The following CIITA variants were observed in gnomAD, a reference collection of about 807,000 sequenced individuals.
The protein encoded by CIITA is MHC class II transactivator.
A neutral mutation model predicts 115.1 loss-of-function variants in CIITA; 72 were observed. The ratio of observed to expected loss-of-function variants is 0.63; its 90% CI spans 0.52 to 0.76. The LOEUF (loss-of-function observed/expected upper bound fraction) is 0.76. Among genes scored for constraint, CIITA ranks in the 30% least tolerant of loss-of-function variants. The probability of loss-of-function intolerance (pLI) is 0.00; values close to 1 mark genes in which losing one functional copy is unlikely to be tolerated. For missense variants in CIITA, 1,617 were observed against 1,463.8 expected, an observed-to-expected ratio of 1.10 and a Z score of -1.71; for synonymous variants, 763 against 635.6, an observed-to-expected ratio of 1.20 and a Z score of -3.02.
chr16:10,933,377 T>C lies in CIITA; in HGVS notation c.*9522T>C, dbSNP rs941413962. On this transcript the variant is annotated 3_prime_UTR_variant, in exon 20 of 20. Coordinates refer to ENST00000324288, the MANE Select transcript of CIITA (RefSeq NM_000246.4). ...GCACTGGTGGGTGAGGCTCTGAAAGTGGTAGAAGGGAATTCTTTCCTAGAG... is the reference window on the plus strand; with the variant it reads ...GCACTGGTGGGTGAGGCTCTGAAAGCGGTAGAAGGGAATTCTTTCCTAGAG... The C allele has an allele frequency of 2.0e-5, 3 of 152,250 alleles. No individual in the cohort carries two copies. Among genetic ancestry groups the C allele is most frequent in the Admixed American group, 6.5e-5 (1 of 15,280 alleles). 9.4% of individuals were successfully genotyped at this position (152,250 alleles called of 1,614,324 possible).
rs940530432 is a variant in CIITA, at chr16:10,870,570, G to A, written c.-21+4251G>A. On this transcript the variant is annotated intron_variant, in intron 1 of 5. Transcript: ENST00000636238. ...CATCTATCAGAGGCCAAAGAAGGGG[G>A]AGCTAGGATGGGTGATGATGGAAAA... Among the ~76,000 whole-genome samples, 4 of 152,220 alleles carry A rather than the reference G, an allele frequency of 2.6e-5. No homozygotes were observed. In the East Asian group the frequency reaches 5.8e-4, roughly 22 times the overall value.
chr16:10,869,205 T>A (rs139813872), intron 1 of CIITA, among the ~76,000 whole-genome samples: 32 of 152,306 alleles, frequency 2.1e-4, no homozygotes, highest in African/African-American at 7.7e-4. Context: ...ATCTGGACAA[T>A]GGCCCACAAG....
chr16:10,923,644 TG>T lies in CIITA; in HGVS notation c.*23-232del, dbSNP rs760035346. On this transcript the variant is annotated intron_variant, in intron 19 of 19. Transcript: ENST00000324288. This position sits in a 1 kb window ranked among gnomAD's most constrained non-coding sequence, Gnocchi z 5.2. ...CTTCCCAGCTGCTGTTTCGGCTTGGTGGCTGCCCTGATGCTCCGGGTTTGTC... is the reference window on the plus strand; with the variant it reads ...CTTCCCAGCTGCTGTTTCGGCTTGGTGCTGCCCTGATGCTCCGGGTTTGTC... Among the ~76,000 whole-genome samples, 76 of 152,268 alleles carry T rather than the reference TG, an allele frequency of 5.0e-4. No individual in the cohort carries two copies. Among genetic ancestry groups the T allele is most frequent in the Non-Finnish European group, 9.4e-4 (64 of 67,998 alleles).
rs1302154334 is a variant in CIITA at position 10,909,126 on chromosome 16, C to G, written c.2755C>G (p.Pro919Ala). The change falls in exon 12 of 20, where the codon CCT becomes GCT. Residue 919 changes from proline to alanine, a missense_variant. Pro to Ala is a conservative substitution (Grantham distance 27). Transcript: ENST00000324288. ...QAAEEKFTIE[P>A]FKAKSLKDVE... ...AGCAGAGGAGAAGTTCACCATCGAG[C>G]CTTTCAAAGCCAAGTCCCTGAAGGA... is the stretch of plus-strand genomic sequence containing the variant. The G allele has an allele frequency of 6.2e-7, 1 of 1,614,198 alleles. No individual in the cohort carries two copies. The highest frequency in any genetic ancestry group is 2.2e-5 in the East Asian group (1 of 44,884).
In CIITA at chr16:10,907,448, C is replaced by A; in HGVS notation, c.1956C>A (p.Ser652Arg). ...VGLLGRAALD[S>R]PPGALAELAK... The stretch of plus-strand genomic sequence containing the variant: ...TGCTGGGCCGTGCAGCCCTCGACAG[C>A]CCCCCCGGGGCCCTGGCAGAGCTGG... The change falls in exon 11 of 20, where the codon AGC becomes AGA. Residue 652 changes from serine (S) to arginine (R), a missense_variant. Physicochemically the swap from Ser to Arg is moderately radical, Grantham distance 110 (BLOSUM62 -1). Coordinates refer to ENST00000324288, the MANE Select transcript of CIITA (RefSeq NM_000246.4). The surrounding 1 kb of genome is among the most constrained non-coding windows in gnomAD (Gnocchi z 5.0). 1 of 1,612,808 alleles carries A rather than the reference C, an allele frequency of 6.2e-7. No individual in the cohort carries two copies. Among genetic ancestry groups the A allele is most frequent in the East Asian group, 2.2e-5 (1 of 44,852 alleles).
At chr16:10,874,239 C>G (rs965744497), upstream of CIITA, among the ~76,000 whole-genome samples, 6 of 152,186 alleles carry the variant, frequency 3.9e-5, no homozygotes, top group African/African-American at 1.4e-4. Context: ...CCGCCTCAGT[C>G]TCCTAAAGTG....
chr16:10,893,488 C>A (rs1176561776), intron 1 of CIITA, among the ~76,000 whole-genome samples: 1 of 152,122 alleles, frequency 6.6e-6, no homozygotes, highest in Non-Finnish European at 1.5e-5. Context: ...GTTTTAACAG[C>A]TTTATTGAGA....
intron 18 of CIITA, among the ~76,000 whole-genome samples, chr16:10,922,740 A>G (rs7203275): frequency 0.024 from 3,629 of 152,362 alleles, 143 homozygotes; most frequent in African/African-American, 0.083. Context: ...TAGCTGGCAC[A>G]CAAAAATGCC....
At chr16:10,912,676 T>C (rs1397767084) in intron 13 of CIITA, among the ~76,000 whole-genome samples, 1 of 152,230 alleles carries the variant, frequency 6.6e-6, no homozygotes, top group Non-Finnish European at 1.5e-5. Flanking sequence ...AAAATGATGC[T>C]GAAAAGGGGA....
downstream of CIITA, chr16:10,937,393 G>C (rs534146446): frequency 1.3e-5 from 2 of 152,438 alleles, no homozygotes; most frequent in African/African-American, 4.8e-5. The surrounding 1 kb of genome is among the most constrained non-coding windows in gnomAD (Gnocchi z 4.2). Flanking sequence ...CTCTATGTCC[G>C]GCACAGGGGT....
chr16:10,941,474 G>T lies in CIITA; in HGVS notation n.600G>T. ...CCTGGAGGAGGTGAACGGAGGAGAA[G>T]CCTGAGGGAGGGGTGTGTATCCGGC... On this transcript the variant is annotated non_coding_transcript_exon_variant, in exon 2 of 2. Transcript: ENST00000573379. The surrounding 1 kb of genome is among the most constrained non-coding windows in gnomAD (Gnocchi z 6.4). The T allele has an allele frequency of 8.1e-7, 1 of 1,237,116 alleles. No homozygotes were observed. The allele number at this position is 1,237,116 out of a possible 1,614,324, so 76.6% of individuals were successfully genotyped here. A position where few individuals can be genotyped will look rare whatever the true frequency, so the allele number is the denominator to read the frequency against.
chr16:10,882,883 G>A (rs1001850336), intron 1 of CIITA, among the ~76,000 whole-genome samples: 2 of 152,146 alleles, frequency 1.3e-5, no homozygotes, highest in African/African-American at 4.8e-5. Context: ...GGCAACAAGA[G>A]TGAAACTCCG....
chr16:10,869,577 G>C (rs2035335466), intron 1 of CIITA, among the ~76,000 whole-genome samples: 1 of 151,332 alleles, frequency 6.6e-6, no homozygotes, highest in South Asian at 2.1e-4. Flanking sequence ...GAGTGCAGTG[G>C]TGAGATCTCA....
intron 7 of CIITA, 110 bp from the exon 8 acceptor site, chr16:10,902,548 G>C: frequency 1.5e-6 from 2 of 1,377,846 alleles, no homozygotes; most frequent in Non-Finnish European, 2.0e-6. Context: ...ACTGCTCTTA[G>C]GGAAATTAGG....
intron 1 of CIITA, among the ~76,000 whole-genome samples, chr16:10,867,896 C>T (rs2035203166): frequency 6.6e-6 from 1 of 152,130 alleles, no homozygotes; most frequent in Admixed American, 6.5e-5. Context: ...GCTGGGACTA[C>T]AGGCATGCAC....
downstream of CIITA, chr16:10,940,287 G>T (rs572632855): frequency 1.3e-5 from 2 of 152,370 alleles, no homozygotes; most frequent in African/African-American, 4.8e-5. The surrounding 1 kb of genome is among the most constrained non-coding windows in gnomAD (Gnocchi z 4.2). Flanking sequence ...GCCTTCATGG[G>T]TGGGATTAAT....
intron 1 of CIITA, among the ~76,000 whole-genome samples, chr16:10,884,049 G>A (rs935081181): frequency 7.1e-6 from 1 of 141,724 alleles, no homozygotes; most frequent in African/African-American, 2.6e-5. Context: ...TTTACTCTTG[G>A]TGTTGTACAT....
chr16:10,893,118 C>T (rs565695088), intron 1 of CIITA, among the ~76,000 whole-genome samples: 1 of 152,194 alleles, frequency 6.6e-6, no homozygotes, highest in Admixed American at 6.5e-5. Flanking sequence ...CAAGGATCAC[C>T]AGTAGTTCCC....
At chr16:10,898,333 G>C (rs2144391942) in intron 3 of CIITA, among the ~76,000 whole-genome samples, 1 of 152,084 alleles carries the variant, frequency 6.6e-6, no homozygotes, top group East Asian at 2.0e-4. Context: ...GCCCACAGTG[G>C]TTAAATAAGT....
Sources: gnomAD v4.1 joint callset for allele counts (sites outside exome capture counted in the v4.1 genomes callset) on GRCh38, gnomAD v4.1.1 for gene constraint, Gnocchi (gnomAD v3.1) non-coding constraint, MANE v1.5 for transcripts, NCBI Gene and HGNC (gene_info 2026-07-23, HGNC 2026-07-21) for gene names.